Variants in ATP8A1 observed in about 807,000 individuals in gnomAD.
ATP8A1 encodes the protein ATPase phospholipid transporting 8A1, also known as phospholipid-transporting ATPase IA.
A neutral mutation model predicts 177.7 loss-of-function variants in ATP8A1; 90 were observed. The observed-to-expected ratio is 0.51, with a 90% CI of 0.43 to 0.60. ATP8A1 has a LOEUF of 0.60. Among genes scored for constraint, ATP8A1 ranks in the 20% least tolerant of loss-of-function variants. The pLI, the probability that ATP8A1 is intolerant of heterozygous loss-of-function variation, is 0.00. For missense variants in ATP8A1, 1,072 were observed against 1,392.8 expected (o/e 0.77, Z 3.67); for synonymous variants, 493 against 485.9 (o/e 1.01, Z -0.19).
chr4:42,618,893 A>T (rs910654144), intron 4 of ATP8A1, among the ~76,000 whole-genome samples: 2 of 152,196 alleles, frequency 1.3e-5, no homozygotes, highest in Non-Finnish European at 2.9e-5. Flanking sequence ...TGTCTGCACA[A>T]ATGCTCTGTT....
chr4:42,416,377 T>G (rs1362393480), intron 35 of ATP8A1, among the ~76,000 whole-genome samples: 2 of 152,164 alleles, frequency 1.3e-5, no homozygotes, highest in Admixed American at 1.3e-4. Context: ...GGTTTCAGGC[T>G]GGCCTTCCTA....
chr4:42,612,678 G>A lies in ATP8A1; in HGVS notation c.409+3355C>T, dbSNP rs1736486978. On this transcript the variant is annotated intron_variant, in intron 5 of 36. Transcript: ENST00000381668. ...AAGGCTTGTTTCCAGAAGTGGTGTT[G>A]ACAACTTTTAGGTTCTGAGTTAGGT... 2.0e-5 allele frequency among the ~76,000 whole-genome samples: 3 copies of A among 151,872 alleles called. No individual in the cohort carries two copies. The South Asian group carries it at 6.3e-4, about 32-fold the overall frequency.
chr4:42,466,190 A>C (rs1719747274), intron 25 of ATP8A1, among the ~76,000 whole-genome samples: 1 of 152,238 alleles, frequency 6.6e-6, no homozygotes, highest in Non-Finnish European at 1.5e-5. Flanking sequence ...CAGTTAAGCT[A>C]ATAATTAGAT....
chr4:42,429,385 TG>T (rs371479098), intron 33 of ATP8A1, among the ~76,000 whole-genome samples: 71 of 151,946 alleles, frequency 4.7e-4, no homozygotes, highest in African/African-American at 9.6e-4. Flanking sequence ...AAAAGTGTTT[TG>T]TTTTTTTTTT....
chr4:42,593,562 T>C (rs542735303), intron 6 of ATP8A1, among the ~76,000 whole-genome samples: 1 of 152,216 alleles, frequency 6.6e-6, no homozygotes, highest in African/African-American at 2.4e-5. Context: ...ACACTGTCCA[T>C]ATTCATATGT....
chr4:42,453,673 A>G (rs1042735383), intron 29 of ATP8A1, among the ~76,000 whole-genome samples: 3 of 152,204 alleles, frequency 2.0e-5, no homozygotes, highest in Admixed American at 1.3e-4. Context: ...GTGAGGATCA[A>G]TTTATGTTTT....
intron 22 of ATP8A1, among the ~76,000 whole-genome samples, chr4:42,507,775 C>CAAAAAAAAAA: frequency 7.9e-5 from 1 of 12,708 alleles, no homozygotes; most frequent in Non-Finnish European, 1.7e-4. Context: ...AAAGGACAGG[C>CAAAAAAAAAA]ATTCTAAAAA....
chr4:42,446,772 T>TAA (rs35005173), intron 30 of ATP8A1, 128 bp from the exon 31 acceptor site: 8,675 of 540,200 alleles, frequency 0.016, no homozygotes, highest in South Asian at 0.037. Context: ...GAAATGAGAT[T>TAA]AAAAAAAAAA....
chr4:42,509,101 C>A (rs900416557), intron 22 of ATP8A1, among the ~76,000 whole-genome samples: 2 of 152,202 alleles, frequency 1.3e-5, no homozygotes, highest in African/African-American at 4.8e-5. Flanking sequence ...TCCTCACTTA[C>A]GTAGTACTGA....
chr4:42,568,162 G>A (rs560454704), intron 15 of ATP8A1, among the ~76,000 whole-genome samples: 5 of 152,258 alleles, frequency 3.3e-5, no homozygotes, highest in Admixed American at 6.5e-5. Flanking sequence ...CAAGCAATGG[G>A]CATGTGGTGT....
chr4:42,425,987 CAG>C (rs1714570072), intron 33 of ATP8A1, among the ~76,000 whole-genome samples: 1 of 152,228 alleles, frequency 6.6e-6, no homozygotes, highest in East Asian at 1.9e-4. Flanking sequence ...CTTGTCTCTG[CAG>C]AGTGATGCCG....
chr4:42,440,029 T>C (rs887766671), intron 33 of ATP8A1, among the ~76,000 whole-genome samples: 1 of 152,220 alleles, frequency 6.6e-6, no homozygotes, highest in African/African-American at 2.4e-5. Context: ...ACCCATTTGG[T>C]GTGAGGATCA....
intron 19 of ATP8A1, among the ~76,000 whole-genome samples, chr4:42,547,355 A>T (rs1729031919): frequency 6.6e-6 from 1 of 152,112 alleles, no homozygotes; most frequent in African/African-American, 2.4e-5. Context: ...CACTACCATC[A>T]TCCTAGTCTA....
At chr4:42,562,134 G>A (rs897312760) in intron 15 of ATP8A1, 1 of 152,202 alleles carries the variant, frequency 6.6e-6, no homozygotes, top group South Asian at 2.1e-4. Context: ...TTGTCTTGGA[G>A]TCTCTTCTAT....
At chr4:42,614,682 C>T (rs956510928) in intron 5 of ATP8A1, among the ~76,000 whole-genome samples, 2 of 152,210 alleles carry the variant, frequency 1.3e-5, no homozygotes, top group African/African-American at 4.8e-5. Flanking sequence ...CTTCAAGACC[C>T]TATACAATTC....
At chr4:42,576,883 T>C (rs1006004587) in intron 12 of ATP8A1, among the ~76,000 whole-genome samples, 1 of 152,198 alleles carries the variant, frequency 6.6e-6, no homozygotes. Context: ...AAAGATAGGA[T>C]AGAATTGGCA....
At chr4:42,631,908 A>G (rs1738777794) in intron 1 of ATP8A1, among the ~76,000 whole-genome samples, 1 of 152,208 alleles carries the variant, frequency 6.6e-6, no homozygotes, top group Non-Finnish European at 1.5e-5. Context: ...AATGGCCCAC[A>G]AGTACAGACA....
At chr4:42,472,498 C>T in intron 25 of ATP8A1, 4 of 265,966 alleles carry the variant, frequency 1.5e-5, no homozygotes, top group Non-Finnish European at 3.0e-5. Flanking sequence ...CCTGTAATCC[C>T]AGCACTTTGG....
At chr4:42,545,159 C>CAAA (rs150594728) in intron 19 of ATP8A1, among the ~76,000 whole-genome samples, 2 of 83,684 alleles carry the variant, frequency 2.4e-5, no homozygotes, top group Admixed American at 1.2e-4. Flanking sequence ...GACTCCGTCT[C>CAAA]AAAAAAAAAA....
Sources: gnomAD v4.1 joint callset for allele counts (sites outside exome capture counted in the v4.1 genomes callset) on GRCh38, gnomAD v4.1.1 for gene constraint, MANE v1.5 for transcripts, NCBI Gene and HGNC (gene_info 2026-07-23, HGNC 2026-07-21) for gene names.